The following LRCH1 variants were observed in gnomAD, a reference collection of about 807,000 sequenced individuals.
LRCH1 encodes leucine rich repeats and calponin homology domain containing 1, also known as leucine-rich repeat and calponin homology domain-containing protein 1.
In LRCH1, 23 loss-of-function variants were observed where a neutral mutation model predicts 94.9. That is an observed-to-expected ratio of 0.24 (90% CI 0.17 to 0.34). LRCH1 has a LOEUF of 0.34. Among genes scored for constraint, LRCH1 ranks in the 10% least tolerant of loss-of-function variants. LRCH1 has a pLI of 1.00. For synonymous variants in LRCH1, 364 were observed against 354.9 expected (o/e 1.03, Z -0.29); for missense variants, 790 against 945.9 (o/e 0.84, Z 2.16).
chr13:46,740,441 C>T (rs999262375), intron 19 of LRCH1, among the ~76,000 whole-genome samples: 1 of 152,150 alleles, frequency 6.6e-6, no homozygotes, highest in Non-Finnish European at 1.5e-5. Context: ...CTGAGGGTAT[C>T]GAGCTAACTT....
At chr13:46,588,681 AC>A (rs1455703626) in intron 1 of LRCH1, among the ~76,000 whole-genome samples, 1 of 136,238 alleles carries the variant, frequency 7.3e-6, no homozygotes, top group Non-Finnish European at 1.6e-5. Context: ...GTTCACTGCA[AC>A]CCCCGCCTCT....
exon 19 of LRCH1, chr13:46,750,924 C>A: frequency 3.6e-6 from 1 of 274,830 alleles, no homozygotes; most frequent in Non-Finnish European, 6.9e-6. Context: ...CACCCTCCTT[C>A]ATCCTTTCCA....
At chr13:46,686,079 T>G in intron 5 of LRCH1, 38 bp downstream of exon 5, 1 of 1,462,292 alleles carries the variant, frequency 6.8e-7, no homozygotes, top group Non-Finnish European at 9.1e-7. Context: ...CCCCATGGGA[T>G]GTGCTGTTAT....
At chr13:46,705,356 A>AT (rs779857139) in intron 13 of LRCH1, 52 bp downstream of exon 13, 40 of 1,433,432 alleles carry the variant, frequency 2.8e-5, no homozygotes, top group Non-Finnish European at 3.8e-5. Context: ...TTGCCATGGA[A>AT]TACTGGCCAC....
At chr13:46,600,934 TTG>T (rs1159935112) in intron 1 of LRCH1, among the ~76,000 whole-genome samples, 1 of 152,232 alleles carries the variant, frequency 6.6e-6, no homozygotes, top group Admixed American at 6.5e-5. Context: ...TTAGCTCTGG[TTG>T]TGTATTCAGT....
At chr13:46,566,034 G>T (rs1257947837) in intron 1 of LRCH1, among the ~76,000 whole-genome samples, 1 of 152,030 alleles carries the variant, frequency 6.6e-6, no homozygotes, top group Middle Eastern at 3.4e-3. Context: ...GGGTGAGGAA[G>T]TGGTGGCTGG....
chr13:46,576,141 C>T (rs2050301834), intron 1 of LRCH1, among the ~76,000 whole-genome samples: 1 of 152,180 alleles, frequency 6.6e-6, no homozygotes, highest in South Asian at 2.1e-4. Flanking sequence ...AGGAGAAAGC[C>T]AGCTGGATTA....
chr13:46,666,089 G>T (rs1194954140), intron 2 of LRCH1, among the ~76,000 whole-genome samples: 1 of 152,156 alleles, frequency 6.6e-6, no homozygotes, highest in East Asian at 1.9e-4. Flanking sequence ...GAAGAAATGT[G>T]CCCCAGGTCT....
chr13:46,600,410 G>A (rs7990097), intron 1 of LRCH1, among the ~76,000 whole-genome samples: 4,145 of 152,216 alleles, frequency 0.027, 176 homozygotes, highest in African/African-American at 0.094. Context: ...ACTGTGAACC[G>A]TATGGTCAGT....
intron 15 of LRCH1, among the ~76,000 whole-genome samples, chr13:46,713,632 G>A (rs533465626): frequency 2.6e-5 from 4 of 152,206 alleles, no homozygotes; most frequent in African/African-American, 9.7e-5. Flanking sequence ...GTGTGACAAG[G>A]GTTAGTGAGT....
At chr13:46,594,803 T>C (rs1171466700) in intron 1 of LRCH1, among the ~76,000 whole-genome samples, 1 of 152,186 alleles carries the variant, frequency 6.6e-6, no homozygotes, top group Non-Finnish European at 1.5e-5. Flanking sequence ...GTGCTTTCCA[T>C]AGAAAACATA....
chr13:46,567,909 G>A (rs2050202100), intron 1 of LRCH1, among the ~76,000 whole-genome samples: 1 of 152,152 alleles, frequency 6.6e-6, no homozygotes, highest in African/African-American at 2.4e-5. Flanking sequence ...TCTTAGGAGG[G>A]CGAGTGACAA....
intron 1 of LRCH1, among the ~76,000 whole-genome samples, chr13:46,605,186 A>G (rs2050674193): frequency 6.6e-6 from 1 of 152,204 alleles, no homozygotes; most frequent in Non-Finnish European, 1.5e-5. Flanking sequence ...TTCTCTAAGG[A>G]AAGTCGGATT....
intron 1 of LRCH1, among the ~76,000 whole-genome samples, chr13:46,579,490 A>T: frequency 6.7e-6 from 1 of 150,234 alleles, no homozygotes; most frequent in Non-Finnish European, 1.5e-5. Flanking sequence ...ATATATGCTA[A>T]CTTTGTAGCT....
chr13:46,649,690 A>G (rs1036988007), intron 1 of LRCH1, among the ~76,000 whole-genome samples: 2 of 152,092 alleles, frequency 1.3e-5, no homozygotes, highest in African/African-American at 4.8e-5. Flanking sequence ...TTAGCCAGGC[A>G]TGGTGGTGCG....
intron 9 of LRCH1, among the ~76,000 whole-genome samples, chr13:46,696,322 T>G (rs1871187565): frequency 6.6e-6 from 1 of 152,136 alleles, no homozygotes; most frequent in Non-Finnish European, 1.5e-5. Context: ...CTTCCCCAGA[T>G]TAGACCCTAT....
chr13:46,557,114 T>G (rs557284271), intron 1 of LRCH1, among the ~76,000 whole-genome samples: 17 of 152,098 alleles, frequency 1.1e-4, no homozygotes, highest in African/African-American at 4.1e-4. Flanking sequence ...ATCTGAAGCA[T>G]AAAATTGGGC....
intron 1 of LRCH1, among the ~76,000 whole-genome samples, chr13:46,627,965 A>G (rs776124421): frequency 6.6e-6 from 1 of 152,176 alleles, no homozygotes; most frequent in African/African-American, 2.4e-5. Context: ...TACATTCAGA[A>G]TAATCTGGCT....
At chr13:46,635,890 C>G (rs2051081394) in intron 1 of LRCH1, among the ~76,000 whole-genome samples, 3 of 152,026 alleles carry the variant, frequency 2.0e-5, no homozygotes, top group Admixed American at 2.0e-4. Context: ...ATTTCTTCCC[C>G]CATACCATGC....
Sources: allele counts gnomAD v4.1 joint callset (sites outside exome capture counted in the v4.1 genomes callset), GRCh38; gene constraint gnomAD v4.1.1; transcripts MANE v1.5; gene names NCBI Gene and HGNC (gene_info 2026-07-23, HGNC 2026-07-21).